The following TRPC6 variants were observed in gnomAD, a reference collection of about 807,000 sequenced individuals.
The protein encoded by TRPC6 is transient receptor potential cation channel subfamily C member 6.
In TRPC6, 55 loss-of-function variants were observed where a neutral mutation model predicts 90.7. That is an observed-to-expected ratio of 0.61 (90% CI 0.49 to 0.76). The LOEUF (loss-of-function observed/expected upper bound fraction) is 0.76, where lower values mean the gene tolerates loss of function less well. Among genes scored for constraint, TRPC6 ranks in the 30% least tolerant of loss-of-function variants. The pLI is 0.00. For synonymous variants in TRPC6, 393 were observed against 393.0 expected (o/e 1.00, Z 0.00); for missense variants, 989 against 1,122.7 (o/e 0.88, Z 1.70).
At chr11:101,485,004 T>G (rs777201609) in intron 4 of TRPC6, among the ~76,000 whole-genome samples, 1 of 152,048 alleles carries the variant, frequency 6.6e-6, no homozygotes, top group Non-Finnish European at 1.5e-5. Context: ...ATCCTGTTTA[T>G]AGAATAATGC....
rs145702330 is a variant in TRPC6 at position 101,481,369 on chromosome 11, G to A, written c.1510+1580C>T. Among the ~76,000 whole-genome samples, 5 of 152,242 alleles carry A rather than the reference G, an allele frequency of 3.3e-5. No individual in the cohort carries two copies. The East Asian group carries it at 9.6e-4, about 29-fold the overall frequency. The stretch of plus-strand genomic sequence containing the variant: ...ATTTTATGCATAGTCAGGGCCTTAA[G>A]TACCATCTGGAATTGAGGATGGCTG... On this transcript the variant is annotated intron_variant, in intron 5 of 12. Coordinates refer to ENST00000344327, the MANE Select transcript of TRPC6 (RefSeq NM_004621.6).
chr11:101,511,525 G>C (rs1219832956), intron 1 of TRPC6, among the ~76,000 whole-genome samples: 1 of 152,168 alleles, frequency 6.6e-6, no homozygotes, highest in East Asian at 1.9e-4. Flanking sequence ...AGAAAAAAAG[G>C]AACAAAATAT....
chr11:101,524,227 C>A (rs528626711), intron 1 of TRPC6, among the ~76,000 whole-genome samples: 1 of 149,784 alleles, frequency 6.7e-6, no homozygotes, highest in Non-Finnish European at 1.5e-5. Context: ...GACGCAGTGG[C>A]TTCAGTCTCA....
chr11:101,502,302 T>C (rs1477826691), intron 2 of TRPC6, among the ~76,000 whole-genome samples: 1 of 152,186 alleles, frequency 6.6e-6, no homozygotes, highest in Non-Finnish European at 1.5e-5. Flanking sequence ...CCTAATATGA[T>C]AGTTACTACA....
chr11:101,456,508 G>GTCTC (rs1858886586), intron 10 of TRPC6, among the ~76,000 whole-genome samples: 1 of 152,158 alleles, frequency 6.6e-6, no homozygotes. Context: ...TAACCATCAT[G>GTCTC]TCTCTGATTT....
At chr11:101,468,645 T>C (rs1297048074) in intron 10 of TRPC6, among the ~76,000 whole-genome samples, 3 of 152,180 alleles carry the variant, frequency 2.0e-5, no homozygotes, top group African/African-American at 7.2e-5. Context: ...AGCTGTCCTC[T>C]TGAATCTGAC....
At chr11:101,514,377 C>G (rs1860468629) in intron 1 of TRPC6, among the ~76,000 whole-genome samples, 1 of 152,172 alleles carries the variant, frequency 6.6e-6, no homozygotes, top group Admixed American at 6.5e-5. Context: ...TCAACCCAAT[C>G]TGAAGGTCAG....
intron 1 of TRPC6, among the ~76,000 whole-genome samples, chr11:101,564,250 A>G (rs1273648686): frequency 6.6e-6 from 1 of 152,100 alleles, no homozygotes; most frequent in Non-Finnish European, 1.5e-5. Flanking sequence ...TGTGAACTGT[A>G]TATTTATTAT....
intron 2 of TRPC6, among the ~76,000 whole-genome samples, chr11:101,500,210 C>CTTTTTTTTTTTTTTTT (rs373591780): frequency 7.3e-6 from 1 of 137,710 alleles, no homozygotes; most frequent in Non-Finnish European, 1.5e-5. Context: ...TATTTTTTTT[C>CTTTTTTTTTTTTTTTT]TTTCTTTTTT....
intron 1 of TRPC6, among the ~76,000 whole-genome samples, chr11:101,507,049 AC>A (rs1565222877): frequency 7.0e-6 from 1 of 142,036 alleles, no homozygotes; most frequent in Non-Finnish European, 1.5e-5. Context: ...ACACACACAC[AC>A]AGACCCCCTT....
rs150549553 is a variant in TRPC6 at position 101,574,815 on chromosome 11, T to C, written c.170+8519A>G. ...AGAATTTTTAAGTTACCTTTAGAAA[T>C]TGCCATTTCTAATTCTTATTTTGAC... On this transcript the variant is annotated intron_variant, in intron 1 of 12. Transcript: ENST00000344327. 2.6e-3 allele frequency among the ~76,000 whole-genome samples: 403 copies of C among 152,314 alleles called. 3 individuals carry two copies. The highest frequency in any genetic ancestry group is 9.3e-3 in the African/African-American group (388 of 41,570).
intron 1 of TRPC6, among the ~76,000 whole-genome samples, chr11:101,560,179 C>A (rs1196779326): frequency 6.6e-6 from 1 of 151,930 alleles, no homozygotes; most frequent in African/African-American, 2.4e-5. Context: ...ATTATTCATT[C>A]TAAATATTTT....
At chr11:101,488,825 A>G in intron 4 of TRPC6, 112 bp downstream of exon 4, 4 of 1,177,314 alleles carry the variant, frequency 3.4e-6, no homozygotes, top group Non-Finnish European at 5.0e-6. Flanking sequence ...AACAATAAAG[A>G]TTACTGAAAC....
chr11:101,490,307 T>A (rs1859775198), intron 3 of TRPC6, among the ~76,000 whole-genome samples: 1 of 152,198 alleles, frequency 6.6e-6, no homozygotes, highest in African/African-American at 2.4e-5. Context: ...GAAAGAAATT[T>A]GTGTATAGAA....
At chr11:101,502,669 G>A (rs10791491) in intron 2 of TRPC6, among the ~76,000 whole-genome samples, 69,771 of 152,020 alleles carry the variant, frequency 0.46, 16,392 homozygotes, top group African/African-American at 0.55. Context: ...CGAAAAGTAG[G>A]TAAGAATCTG....
chr11:101,516,767 G>A (rs896039545), intron 1 of TRPC6, among the ~76,000 whole-genome samples: 1 of 152,186 alleles, frequency 6.6e-6, no homozygotes, highest in Non-Finnish European at 1.5e-5. Context: ...GGGAACGCAG[G>A]GTTCCTCAGA....
At chr11:101,528,555 T>G (rs1299839040) in intron 1 of TRPC6, among the ~76,000 whole-genome samples, 1 of 152,182 alleles carries the variant, frequency 6.6e-6, no homozygotes, top group African/African-American at 2.4e-5. Context: ...TTATATAGAG[T>G]TGCACATAAT....
In TRPC6 at chr11:101,453,875, C is replaced by A. The variant is rs888584744; in HGVS notation, c.2569-150G>T. On this transcript the variant is annotated intron_variant, in intron 11 of 12. Coordinates refer to ENST00000344327, the MANE Select transcript of TRPC6 (RefSeq NM_004621.6). ...TAAGATGATTCAGCCAGGATGCAGG[C>A]GATCTCTACATTTTGCTTTCCTTTT... 1.2e-5 allele frequency: 9 copies of A among 755,304 alleles called. No homozygotes were observed. The East Asian group carries it at 1.6e-4, about 14-fold the overall frequency. The allele number at this position is 755,304 out of a possible 1,614,324, so 46.8% of individuals were successfully genotyped here. A position where few individuals can be genotyped will look rare whatever the true frequency, so the allele number is the denominator to read the frequency against.
At chr11:101,499,586 G>GTGATATATATA (rs146159741) in intron 2 of TRPC6, among the ~76,000 whole-genome samples, 2 of 45,590 alleles carry the variant, frequency 4.4e-5, no homozygotes, top group South Asian at 5.1e-4. Flanking sequence ...GTATATATAC[G>GTGATATATATA]TATATATATA....
Sources: gnomAD v4.1 joint callset for allele counts (sites outside exome capture counted in the v4.1 genomes callset) on GRCh38, gnomAD v4.1.1 for gene constraint, MANE v1.5 for transcripts, NCBI Gene and HGNC (gene_info 2026-07-23, HGNC 2026-07-21) for gene names.